The following RUFY4 variants were observed in gnomAD, a reference collection of about 807,000 sequenced individuals.
RUFY4 encodes RUN and FYVE domain-containing protein 4.
A neutral mutation model predicts 69.0 loss-of-function variants in RUFY4; 73 were observed. The observed-to-expected ratio is 1.06, with a 90% confidence interval of 0.88 to 1.29. The LOEUF (loss-of-function observed/expected upper bound fraction) is 1.29, where lower values mean the gene tolerates loss of function less well. Ranked by LOEUF, RUFY4 falls within the 50% of genes most tolerant of loss-of-function variation. The probability of loss-of-function intolerance (pLI) is 0.00; values close to 1 mark genes in which losing one functional copy is unlikely to be tolerated. For synonymous variants in RUFY4, 287 were observed against 271.8 expected (o/e 1.06, Z -0.55); for missense variants, 770 against 705.6 (o/e 1.09, Z -1.03).
exon 6 of RUFY4, chr2:218,073,864 A>G (rs1559433266): frequency 6.2e-7 from 1 of 1,613,896 alleles, no homozygotes; most frequent in East Asian, 2.2e-5. Flanking sequence ...GACCCAGAAA[A>G]AACAAAGATG....
In RUFY4 at chr2:218,089,177, G is replaced by A. The variant is rs1337711676; in HGVS notation, c.1503-75G>A. 3 of 1,167,064 alleles carry A rather than the reference G, an allele frequency of 2.6e-6. No homozygotes were observed. In the East Asian group the frequency reaches 7.5e-5, roughly 29 times the overall value. 72.3% of individuals were successfully genotyped at this position (1,167,064 alleles called of 1,614,324 possible). A position where few individuals can be genotyped will look rare whatever the true frequency, so the allele number is the denominator to read the frequency against. ...TCCGTCTGTTCCTCTCTGTCTCTCT[G>A]TCTGGGTCTTTTCCCATTTCTATCT... On this transcript the variant is annotated intron_variant, in intron 9 of 10. Transcript: ENST00000344321.
chr2:218,059,264 G>T lies in RUFY4; in HGVS notation c.-1071+583G>T, dbSNP rs866830069. On this transcript the variant is annotated intron_variant and NMD_transcript_variant, in intron 3 of 13. Coordinates refer to the RUFY4 transcript ENST00000457754. ...CCAAGGTGTTTTCTTTTTAATTGAG[G>T]TAAAATATACATAAAATTTTACCAT... 4 of 152,622 alleles carry T rather than the reference G, an allele frequency of 2.6e-5. No individual in the cohort carries two copies. In the South Asian group the frequency reaches 6.2e-4, roughly 24 times the overall value. 9.5% of individuals were successfully genotyped at this position (152,622 alleles called of 1,614,324 possible). A position where few individuals can be genotyped will look rare whatever the true frequency, so the allele number is the denominator to read the frequency against.
chr2:218,057,605 G>C (rs1047777807), intron 2 of RUFY4, among the ~76,000 whole-genome samples: 1 of 152,142 alleles, frequency 6.6e-6, no homozygotes, highest in African/African-American at 2.4e-5. Flanking sequence ...ATTGTTTTTA[G>C]TAAACTAACA....
chr2:218,045,341 C>G (rs79182608), intron 2 of RUFY4, among the ~76,000 whole-genome samples: 2,819 of 152,152 alleles, frequency 0.019, 38 homozygotes, highest in Non-Finnish European at 0.027. Flanking sequence ...TTTTATTGAA[C>G]CAGTGCAAAT....
intron 2 of RUFY4, among the ~76,000 whole-genome samples, chr2:218,043,206 T>C (rs1688741693): frequency 6.6e-6 from 1 of 151,576 alleles, no homozygotes; most frequent in African/African-American, 2.4e-5. Flanking sequence ...CTCCTCTCTG[T>C]AGGCAAGTCA....
At chr2:218,082,872 AGT>A (rs1689795853) in intron 8 of RUFY4, among the ~76,000 whole-genome samples, 1 of 16,126 alleles carries the variant, frequency 6.2e-5, no homozygotes, top group South Asian at 2.1e-3. Flanking sequence ...TAGCATTGTA[AGT>A]GTGTCTTCTG....
intron 10 of RUFY4, 164 bp from the exon 13 acceptor site, chr2:218,089,788 G>A (rs1258756283): frequency 1.4e-6 from 1 of 714,554 alleles, no homozygotes; most frequent in East Asian, 2.7e-5. Context: ...CACCCTTCAG[G>A]AGAGGGGAGA....
At chr2:218,062,991 G>C (rs1689237083) in intron 3 of RUFY4, among the ~76,000 whole-genome samples, 1 of 152,174 alleles carries the variant, frequency 6.6e-6, no homozygotes, top group South Asian at 2.1e-4. Context: ...CCTCCATCCA[G>C]CCCTGACTCC....
At chr2:218,047,901 T>C (rs935151022) in intron 2 of RUFY4, among the ~76,000 whole-genome samples, 10 of 152,238 alleles carry the variant, frequency 6.6e-5, no homozygotes, top group Non-Finnish European at 1.3e-4. Flanking sequence ...TCTATAAGTC[T>C]ATCCTATTGG....
Position 218,075,093 on chromosome 2 carries a change from A to ACG in RUFY4, c.601_602insCG (p.Ile201ThrfsTer76), listed in dbSNP as rs1173972051. On this transcript the variant is annotated frameshift_variant and splice_region_variant, in exon 7 of 11. Coordinates refer to ENST00000344321, the Ensembl canonical transcript of RUFY4. LOFTEE classifies it high-confidence loss of function. The stretch of plus-strand genomic sequence containing the variant: ...GACTGGTTTTGGGTCCTCTCCACAG[A>ACG]TCCCAGCCGCATATGGAGGGCCTGA... 2 of 1,519,300 alleles carry ACG rather than the reference A, an allele frequency of 1.3e-6. No homozygotes were observed. Among genetic ancestry groups the ACG allele is most frequent in the Non-Finnish European group, 1.8e-6 (2 of 1,129,236 alleles). The allele number at this position is 1,519,300 out of a possible 1,614,324, so 94.1% of individuals were successfully genotyped here. A position where few individuals can be genotyped will look rare whatever the true frequency, so the allele number is the denominator to read the frequency against.
upstream of RUFY4, among the ~76,000 whole-genome samples, chr2:218,068,137 G>GGAGGATGGCAGGGGGTTA (rs1335551474): frequency 0.087 from 10,855 of 124,812 alleles, 369 homozygotes; most frequent in East Asian, 0.14. Context: ...GCAGGGGACT[G>GGAGGATGGCAGGGGGTTA]GAGGAGGGCA....
At position 218,075,084 on chromosome 2, in the gene RUFY4, T is replaced by C. The variant is rs1350030487; in HGVS notation, c.601-9T>C. 1.3e-6 allele frequency: 2 copies of C among 1,504,902 alleles called. No homozygotes were observed. The highest frequency in any genetic ancestry group is 2.6e-5 in the South Asian group (2 of 75,902). 93.2% of individuals were successfully genotyped at this position (1,504,902 alleles called of 1,614,324 possible). A position where few individuals can be genotyped will look rare whatever the true frequency, so the allele number is the denominator to read the frequency against. Reference sequence around the variant, plus strand: ...GAGAGGGATGACTGGTTTTGGGTCCTCTCCACAGATCCCAGCCGCATATGG... The same window carrying C: ...GAGAGGGATGACTGGTTTTGGGTCCCCTCCACAGATCCCAGCCGCATATGG... On this transcript the variant is annotated splice_polypyrimidine_tract_variant and intron_variant, in intron 6 of 10. Coordinates refer to ENST00000344321, the Ensembl canonical transcript of RUFY4.
intron 4 of RUFY4, 146 bp downstream of exon 6, chr2:218,073,031 G>A (rs1052764698): frequency 9.6e-6 from 9 of 941,546 alleles, no homozygotes; most frequent in East Asian, 5.3e-5. Context: ...AGGGAGAAAG[G>A]GCAGAGGGAG....
chr2:218,070,529 A>T, exon 1 of RUFY4: 1 of 1,238,982 alleles, frequency 8.1e-7, no homozygotes, highest in Non-Finnish European at 1.1e-6. Flanking sequence ...GTAAGGAGAG[A>T]GCTGGGCAGT....
At chr2:218,067,638 C>A (rs1209368664), upstream of RUFY4, among the ~76,000 whole-genome samples, 1 of 152,172 alleles carries the variant, frequency 6.6e-6, no homozygotes, top group Non-Finnish European at 1.5e-5. Context: ...AGGCAAGCTC[C>A]AGGCTCTCCC....
chr2:218,079,422 C>T (rs1193401484), intron 8 of RUFY4, among the ~76,000 whole-genome samples: 2 of 152,170 alleles, frequency 1.3e-5, no homozygotes, highest in Non-Finnish European at 2.9e-5. Flanking sequence ...AGCTGGAAAG[C>T]TAGAGTCACC....
chr2:218,059,471 C>G (rs1192945902), intron 3 of RUFY4: 1 of 166,860 alleles, frequency 6.0e-6, no homozygotes, highest in African/African-American at 2.4e-5. Flanking sequence ...TGCTTTCTGT[C>G]TCTGTGAATT....
intron 2 of RUFY4, among the ~76,000 whole-genome samples, chr2:218,037,304 T>A (rs527806562): frequency 6.9e-6 from 1 of 143,980 alleles, no homozygotes. Context: ...TGGGCAATAG[T>A]GCAAAACTCA....
chr2:218,047,732 C>T (rs1688863556), intron 2 of RUFY4, among the ~76,000 whole-genome samples: 1 of 152,180 alleles, frequency 6.6e-6, no homozygotes. Flanking sequence ...ATATGCTTAC[C>T]AGTGCACCCA....
Sources: gnomAD v4.1 joint callset for allele counts (sites outside exome capture counted in the v4.1 genomes callset) on GRCh38, gnomAD v4.1.1 for gene constraint, MANE v1.5 for transcripts, NCBI Gene and HGNC (gene_info 2026-07-23, HGNC 2026-07-21) for gene names.